The following TMEM74 variants were observed in gnomAD, a reference collection of about 807,000 sequenced individuals.
The protein encoded by TMEM74 is transmembrane protein 74.
A neutral mutation model predicts 18.1 loss-of-function variants in TMEM74; 13 were observed. That is an observed-to-expected ratio of 0.72 (90% CI 0.47 to 1.14). The LOEUF (loss-of-function observed/expected upper bound fraction) is 1.14. Among genes scored for constraint, TMEM74 ranks in the 50% most tolerant of loss-of-function variants. TMEM74 has a pLI of 0.00. For missense variants in TMEM74, 372 were observed against 375.9 expected (o/e 0.99, Z 0.09); for synonymous variants, 159 against 146.6 (o/e 1.08, Z -0.61).
chr8:108,756,548 A>AAAAGAAAGAAAGAAAGAAAGAAAGAAAG (rs57444896), intron 1 of TMEM74, among the ~76,000 whole-genome samples: 4 of 44,952 alleles, frequency 8.9e-5, no homozygotes, highest in East Asian at 9.6e-4. Flanking sequence ...CACTGTAAAG[A>AAAAGAAAGAAAGAAAGAAAGAAAGAAAG]AAAGAAAGAA....
chr8:108,643,088 C>T (rs1437956743), intron 2 of TMEM74, among the ~76,000 whole-genome samples: 1 of 152,120 alleles, frequency 6.6e-6, no homozygotes, highest in Non-Finnish European at 1.5e-5. Context: ...AATTTGCAGT[C>T]TAATGGAGGA....
chr8:108,670,607 T>G (rs939581589), intron 1 of TMEM74, among the ~76,000 whole-genome samples: 61 of 152,172 alleles, frequency 4.0e-4, no homozygotes, highest in African/African-American at 1.4e-3. Flanking sequence ...CACAAGATCT[T>G]TAATAAAACT....
At chr8:108,697,079 A>G (rs1813288005) in intron 1 of TMEM74, among the ~76,000 whole-genome samples, 1 of 152,176 alleles carries the variant, frequency 6.6e-6, no homozygotes, top group Non-Finnish European at 1.5e-5. Flanking sequence ...ATGTGTCCAC[A>G]GTAGAAAGGC....
intron 1 of TMEM74, among the ~76,000 whole-genome samples, chr8:108,719,295 A>G (rs565019236): frequency 6.6e-5 from 10 of 152,130 alleles, no homozygotes; most frequent in African/African-American, 1.9e-4. Flanking sequence ...TTAACTACCT[A>G]TTTTGTTAAT....
intron 2 of TMEM74, among the ~76,000 whole-genome samples, chr8:108,634,018 G>A (rs1812581199): frequency 6.6e-6 from 1 of 152,000 alleles, no homozygotes; most frequent in Non-Finnish European, 1.5e-5. Context: ...AAGCCAAAGA[G>A]AGAAAAGCAA....
chr8:108,651,105 A>T (rs1586247703), intron 2 of TMEM74, among the ~76,000 whole-genome samples: 1 of 152,278 alleles, frequency 6.6e-6, no homozygotes, highest in Admixed American at 6.5e-5. Context: ...CATAGCGCTT[A>T]CTACCATCTA....
intron 1 of TMEM74, among the ~76,000 whole-genome samples, chr8:108,724,013 A>T (rs1813610485): frequency 6.6e-6 from 1 of 152,118 alleles, no homozygotes; most frequent in Admixed American, 6.5e-5. Flanking sequence ...CATGATCCTG[A>T]GTTTGAGCCC....
intron 1 of TMEM74, among the ~76,000 whole-genome samples, chr8:108,677,122 G>A (rs935245894): frequency 1.3e-5 from 2 of 152,186 alleles, no homozygotes; most frequent in African/African-American, 4.8e-5. Flanking sequence ...TCCTAGGCTA[G>A]GAGATAGGAA....
chr8:108,716,157 A>G (rs1813521380), intron 1 of TMEM74, among the ~76,000 whole-genome samples: 1 of 152,154 alleles, frequency 6.6e-6, no homozygotes, highest in South Asian at 2.1e-4. Context: ...AGTAATTACT[A>G]AGAGCAAACT....
chr8:108,710,831 C>G (rs936151360), intron 1 of TMEM74, among the ~76,000 whole-genome samples: 3 of 152,220 alleles, frequency 2.0e-5, no homozygotes. Flanking sequence ...TCTCTGGGTG[C>G]AAGCATGCCT....
chr8:108,742,737 C>A (rs1813814209), intron 1 of TMEM74, among the ~76,000 whole-genome samples: 1 of 150,920 alleles, frequency 6.6e-6, no homozygotes, highest in Non-Finnish European at 1.5e-5. Context: ...CATCTATATA[C>A]ACCTGAGCAA....
chr8:108,677,127 T>C (rs1431805498), intron 1 of TMEM74, among the ~76,000 whole-genome samples: 2 of 152,202 alleles, frequency 1.3e-5, no homozygotes, highest in Non-Finnish European at 2.9e-5. Flanking sequence ...GGCTAGGAGA[T>C]AGGAATTTTA....
intron 1 of TMEM74, among the ~76,000 whole-genome samples, chr8:108,682,009 T>C (rs1645206927): frequency 6.6e-6 from 1 of 152,150 alleles, no homozygotes; most frequent in African/African-American, 2.4e-5. Flanking sequence ...TCTGCTTCAA[T>C]CTTTACTCTG....
intron 2 of TMEM74, among the ~76,000 whole-genome samples, chr8:108,634,247 A>C (rs1812584072): frequency 6.6e-6 from 1 of 151,976 alleles, no homozygotes; most frequent in Non-Finnish European, 1.5e-5. Context: ...CCCCACCTCC[A>C]TCCCCAAAAA....
chr8:108,642,967 T>C (rs1364554710), intron 2 of TMEM74, among the ~76,000 whole-genome samples: 1 of 152,192 alleles, frequency 6.6e-6, no homozygotes, highest in Non-Finnish European at 1.5e-5. Flanking sequence ...TTTATTGGTG[T>C]ACTCAACAAA....
intron 2 of TMEM74, among the ~76,000 whole-genome samples, chr8:108,640,671 T>G (rs955639957): frequency 6.6e-6 from 1 of 152,094 alleles, no homozygotes; most frequent in African/African-American, 2.4e-5. Flanking sequence ...CAGTAATATC[T>G]TTTATATAGT....
At chr8:108,607,181 A>G (rs1192439814) in exon 4 of TMEM74, 2 of 152,256 alleles carry the variant, frequency 1.3e-5, no homozygotes, top group Non-Finnish European at 2.9e-5. Flanking sequence ...CCCAGATTCA[A>G]GGAAGTGAAG....
In TMEM74 at chr8:108,784,070, G is replaced by T; in HGVS notation, c.*111C>A. 2.1e-6 allele frequency: 2 copies of T among 969,690 alleles called. No homozygotes were observed. The highest frequency in any genetic ancestry group is 3.0e-6 in the Non-Finnish European group (2 of 665,884). 60.1% of individuals were successfully genotyped at this position (969,690 alleles called of 1,614,324 possible). A position where few individuals can be genotyped will look rare whatever the true frequency, so the allele number is the denominator to read the frequency against. On this transcript the variant is annotated 3_prime_UTR_variant, in exon 2 of 2. Coordinates refer to ENST00000297459, the MANE Select transcript of TMEM74 (RefSeq NM_153015.3). ...AAACACTTACTGGCTGTTGGTTTGT[G>T]AAATAAACTTTTCTTGCCAGGCAAA...
chr8:108,784,873 G>A lies in TMEM74; in HGVS notation c.226C>T (p.Leu76Phe), dbSNP rs199822780. 1.0e-4 allele frequency: 168 copies of A among 1,614,074 alleles called. No individual in the cohort carries two copies. The highest frequency in any genetic ancestry group is 1.4e-4 in the Non-Finnish European group (160 of 1,180,040). The change falls in exon 2 of 2, where the codon CTT becomes TTT. Residue 76 changes from leucine to phenylalanine, a missense_variant. Physicochemically the swap from Leu to Phe is conservative, Grantham distance 22. Transcript: ENST00000297459. ...SPSSSLQNST[L>F]QPDAFPPGLL... The stretch of plus-strand genomic sequence containing the variant: ...CCTGGTGGAAAGGCATCTGGCTGAA[G>A]AGTACTGTTTTGCAGAGAGGAGGAG...
Sources: gnomAD v4.1 joint callset for allele counts (sites outside exome capture counted in the v4.1 genomes callset) on GRCh38, gnomAD v4.1.1 for gene constraint, MANE v1.5 for transcripts, NCBI Gene and HGNC (gene_info 2026-07-23, HGNC 2026-07-21) for gene names.